Variants in MICU3 observed in about 807,000 individuals in gnomAD.
MICU3 encodes the protein calcium uptake protein 3, mitochondrial.
A neutral mutation model predicts 66.5 loss-of-function variants in MICU3; 62 were observed. The observed-to-expected ratio is 0.93, with a 90% confidence interval of 0.76 to 1.15. The LOEUF is 1.15. Among genes scored for constraint, MICU3 ranks in the 50% most tolerant of loss-of-function variants. The pLI is 0.00. For missense variants in MICU3, 779 were observed against 664.4 expected, an observed-to-expected ratio of 1.17 and a Z score of -1.90; for synonymous variants, 308 against 240.7, an observed-to-expected ratio of 1.28 and a Z score of -2.59.
chr8:17,080,743 GTC>G (rs1782891987), intron 4 of MICU3, among the ~76,000 whole-genome samples: 1 of 152,096 alleles, frequency 6.6e-6, no homozygotes, highest in Non-Finnish European at 1.5e-5. Context: ...TGCCCTTCAT[GTC>G]TCTGACAAAC....
At position 17,122,305 on chromosome 8, in the gene MICU3, A is replaced by G. The variant is rs777970541; in HGVS notation, c.*2018A>G. On this transcript the variant is annotated 3_prime_UTR_variant, in exon 15 of 15. Coordinates refer to ENST00000318063, the MANE Select transcript of MICU3 (RefSeq NM_181723.3). ...TGAATTTTATCATCTATAAAATGAG[A>G]GATAAAAATATCTCACTGAATTGTT... is the stretch of plus-strand genomic sequence containing the variant. 18 of 151,884 alleles carry G rather than the reference A, an allele frequency of 1.2e-4. No homozygotes were observed. The highest frequency in any genetic ancestry group is 2.2e-4 in the Non-Finnish European group (15 of 67,768). The allele number at this position is 151,884 out of a possible 1,614,324, so 9.4% of individuals were successfully genotyped here. A position where few individuals can be genotyped will look rare whatever the true frequency, so the allele number is the denominator to read the frequency against.
chr8:17,072,731 A>C (rs1433994538), intron 3 of MICU3, among the ~76,000 whole-genome samples: 2 of 152,154 alleles, frequency 1.3e-5, no homozygotes, highest in East Asian at 3.9e-4. Flanking sequence ...TATGTAAAGG[A>C]GGTGAACCTT....
chr8:17,091,299 G>T (rs542436029), intron 8 of MICU3, among the ~76,000 whole-genome samples: 1 of 152,128 alleles, frequency 6.6e-6, no homozygotes, highest in African/African-American at 2.4e-5. Flanking sequence ...AGGAGAACAG[G>T]CCATGGCCCT....
At chr8:17,135,046 C>T in the MICU3 span, among the ~76,000 whole-genome samples, 1 of 152,334 alleles carries the variant, frequency 6.6e-6, no homozygotes, top group East Asian at 1.9e-4. Context: ...TTATCCAGGT[C>T]ATGCCTGCTT....
At chr8:17,137,635 A>G in the MICU3 span, among the ~76,000 whole-genome samples, 2 of 151,188 alleles carry the variant, frequency 1.3e-5, no homozygotes, top group African/African-American at 4.8e-5. Context: ...CAAGTGTGTA[A>G]GTATGTCTAA....
the MICU3 span, chr8:17,131,170 A>C: frequency 1.3e-5 from 2 of 152,228 alleles, no homozygotes; most frequent in Non-Finnish European, 2.9e-5. Context: ...TTGACTAGTG[A>C]AAGTTAAGAT....
intron 1 of MICU3, among the ~76,000 whole-genome samples, chr8:17,046,045 A>C (rs1006343408): frequency 6.6e-6 from 1 of 152,198 alleles, no homozygotes; most frequent in African/African-American, 2.4e-5. Flanking sequence ...TGTCCTTTAT[A>C]ATAAGCCGAT....
At chr8:17,035,763 T>A (rs1332948290) in intron 1 of MICU3, among the ~76,000 whole-genome samples, 1 of 152,192 alleles carries the variant, frequency 6.6e-6, no homozygotes, top group Non-Finnish European at 1.5e-5. Context: ...AGCATAAAAG[T>A]TCAGAAAGTT....
chr8:17,046,475 A>G (rs1815111852), intron 1 of MICU3, among the ~76,000 whole-genome samples: 1 of 152,212 alleles, frequency 6.6e-6, no homozygotes, highest in African/African-American at 2.4e-5. Context: ...GTAATATAGA[A>G]TCAGTCATAA....
chr8:17,041,241 C>T (rs973940121), intron 1 of MICU3, among the ~76,000 whole-genome samples: 9 of 146,968 alleles, frequency 6.1e-5, no homozygotes, highest in South Asian at 2.2e-4. Context: ...AGAAAGTCTG[C>T]AAAAGCTGAA....
chr8:17,077,986 T>A (rs114950634), intron 4 of MICU3, 125 bp downstream of exon 4: 336 of 487,508 alleles, frequency 6.9e-4, no homozygotes, highest in African/African-American at 6.2e-3. Context: ...GAGAAAAAAC[T>A]GAAGAAGAAA....
chr8:17,041,330 G>A (rs1231565335), intron 1 of MICU3, among the ~76,000 whole-genome samples: 8 of 151,876 alleles, frequency 5.3e-5, no homozygotes, highest in East Asian at 1.9e-4. Flanking sequence ...CTATATTTTC[G>A]GAAAGGAAGC....
intron 1 of MICU3, among the ~76,000 whole-genome samples, chr8:17,029,415 G>T (rs1212691776): frequency 3.9e-5 from 6 of 152,132 alleles, no homozygotes; most frequent in Non-Finnish European, 5.9e-5. Flanking sequence ...GACAGAGGTT[G>T]CAGTGAGCCG....
chr8:17,081,655 ATATTT>A, intron 4 of MICU3, 33 bp from the exon 5 acceptor site: 2 of 615,298 alleles, frequency 3.3e-6, no homozygotes, highest in Non-Finnish European at 2.6e-6. Context: ...TTCTAGAACA[ATATTT>A]TATATATATA....
chr8:17,067,587 G>T lies in MICU3; in HGVS notation c.536-2101G>T, dbSNP rs141691918. Among the ~76,000 whole-genome samples, 1,268 of 152,114 alleles carry T rather than the reference G, an allele frequency of 8.3e-3. 14 individuals carry two copies. Among genetic ancestry groups the T allele is most frequent in the African/African-American group, 0.029 (1,197 of 41,514 alleles). On this transcript the variant is annotated intron_variant, in intron 2 of 14. Transcript: ENST00000318063. ...TGGGATTACGGGCAGCTGCTGTCAT[G>T]CCCAGCTAATTTTTGTATTTTTGCA...
intron 5 of MICU3, among the ~76,000 whole-genome samples, chr8:17,082,283 T>G (rs531392185): frequency 6.6e-6 from 1 of 152,252 alleles, no homozygotes; most frequent in South Asian, 2.1e-4. Flanking sequence ...GGCCTTTCTA[T>G]TCCTTGAATT....
intron 1 of MICU3, among the ~76,000 whole-genome samples, chr8:17,032,512 T>C (rs188686052): frequency 5.9e-5 from 9 of 152,378 alleles, no homozygotes; most frequent in Admixed American, 4.6e-4. Flanking sequence ...TGAGTATTAC[T>C]GTGGAGTGGA....
the MICU3 span, chr8:17,131,268 C>G: frequency 2.0e-5 from 3 of 152,344 alleles, no homozygotes; most frequent in East Asian, 3.9e-4. Context: ...AGCTTTCCCC[C>G]TACTAGGGCT....
intron 3 of MICU3, among the ~76,000 whole-genome samples, chr8:17,071,846 A>C (rs1174446664): frequency 6.6e-6 from 1 of 152,142 alleles, no homozygotes; most frequent in Non-Finnish European, 1.5e-5. Flanking sequence ...AGGTACTTAA[A>C]AGCAATGCCT....
Sources: allele counts gnomAD v4.1 joint callset (sites outside exome capture counted in the v4.1 genomes callset), GRCh38; gene constraint gnomAD v4.1.1; transcripts MANE v1.5; gene names NCBI Gene and HGNC (gene_info 2026-07-23, HGNC 2026-07-21).